C12orf42: variants seen among roughly 807,000 people sequenced by gnomAD.
C12orf42 encodes the protein uncharacterized protein C12orf42.
C12orf42 carries 25 observed loss-of-function variants against 21.6 expected under a neutral mutation model. That is an observed-to-expected ratio of 1.16 (90% confidence interval 0.84 to 1.62). C12orf42 has a LOEUF of 1.62. Ranked by LOEUF, C12orf42 falls within the 40% of genes most tolerant of loss-of-function variation. C12orf42 has a pLI of 0.00. For synonymous variants in C12orf42, 174 were observed against 175.0 expected (o/e 0.99, Z 0.05); for missense variants, 483 against 459.3 (o/e 1.05, Z -0.47).
chr12:103,094,662 C>A, the C12orf42 span, among the ~76,000 whole-genome samples: 1 of 152,120 alleles, frequency 6.6e-6, no homozygotes, highest in East Asian at 1.9e-4. Flanking sequence ...ATGGTGTGAC[C>A]CTTGAAAGTA....
intron 4 of C12orf42, among the ~76,000 whole-genome samples, chr12:103,353,861 G>A (rs912581097): frequency 3.9e-5 from 6 of 152,124 alleles, no homozygotes; most frequent in African/African-American, 9.7e-5. Flanking sequence ...GAGTCCTGTC[G>A]GCATCTGAAA....
intron 2 of C12orf42, among the ~76,000 whole-genome samples, chr12:103,474,462 G>A (rs7306814): frequency 1.4e-4 from 10 of 73,936 alleles, no homozygotes; most frequent in East Asian, 3.5e-4. Context: ...GTATGTGTGT[G>A]TGTGTGTGTG....
At chr12:103,181,123 A>T in the C12orf42 span, among the ~76,000 whole-genome samples, 3 of 151,794 alleles carry the variant, frequency 2.0e-5, no homozygotes, top group African/African-American at 7.3e-5. Flanking sequence ...TTACCTGGGC[A>T]TGGTGGCACA....
the C12orf42 span, among the ~76,000 whole-genome samples, chr12:103,532,243 T>A: frequency 6.6e-6 from 1 of 152,242 alleles, no homozygotes. Flanking sequence ...CACACCCATC[T>A]GCATGATGGA....
chr12:103,058,900 C>G, the C12orf42 span, among the ~76,000 whole-genome samples: 1 of 152,064 alleles, frequency 6.6e-6, no homozygotes, highest in Non-Finnish European at 1.5e-5. Context: ...AATTGACACC[C>G]TAACATCACA....
chr12:103,355,808 T>C (rs1432950879), intron 4 of C12orf42, among the ~76,000 whole-genome samples: 1 of 152,116 alleles, frequency 6.6e-6, no homozygotes, highest in Non-Finnish European at 1.5e-5. Flanking sequence ...ATTTCTTAAT[T>C]GTCCTCCCTT....
the C12orf42 span, among the ~76,000 whole-genome samples, chr12:103,196,301 T>C: frequency 6.6e-6 from 1 of 152,176 alleles, no homozygotes; most frequent in African/African-American, 2.4e-5. Flanking sequence ...GTATGTTTAA[T>C]ATGATTTCGT....
At chr12:103,499,056 A>G (rs1040887349), upstream of C12orf42, among the ~76,000 whole-genome samples, 1 of 152,080 alleles carries the variant, frequency 6.6e-6, no homozygotes, top group Admixed American at 6.6e-5. Flanking sequence ...CTTAACTCAC[A>G]CAAGCAGAGA....
the C12orf42 span, among the ~76,000 whole-genome samples, chr12:103,203,549 A>T: frequency 1.3e-5 from 2 of 152,172 alleles, no homozygotes; most frequent in Admixed American, 1.3e-4. Context: ...TGGGTTGTTG[A>T]CATCTTTACT....
chr12:103,245,560 T>C (rs2033969566), intron 10 of C12orf42, among the ~76,000 whole-genome samples: 1 of 152,110 alleles, frequency 6.6e-6, no homozygotes, highest in African/African-American at 2.4e-5. Context: ...CCTTGTTAGA[T>C]GCCAGGAGCA....
At chr12:103,226,101 C>T in the C12orf42 span, among the ~76,000 whole-genome samples, 3 of 152,292 alleles carry the variant, frequency 2.0e-5, no homozygotes, top group Admixed American at 1.3e-4. Flanking sequence ...TCCCAGGCTG[C>T]GGGCATTCCT....
the C12orf42 span, among the ~76,000 whole-genome samples, chr12:103,527,090 G>T: frequency 6.6e-6 from 1 of 152,044 alleles, no homozygotes; most frequent in African/African-American, 2.4e-5. Context: ...TCTTGTCAGG[G>T]ATTGGTTAAA....
intron 4 of C12orf42, among the ~76,000 whole-genome samples, chr12:103,335,799 A>G (rs1415902967): frequency 6.6e-6 from 1 of 152,266 alleles, no homozygotes; most frequent in Non-Finnish European, 1.5e-5. Flanking sequence ...TTTCGCCAGA[A>G]TAAATGAGCA....
the C12orf42 span, among the ~76,000 whole-genome samples, chr12:103,181,379 G>GCAT: frequency 2.0e-5 from 3 of 152,194 alleles, no homozygotes; most frequent in African/African-American, 7.2e-5. Context: ...AAGAGAAGAA[G>GCAT]CATTGTAAAA....
At chr12:103,101,584 A>T in the C12orf42 span, among the ~76,000 whole-genome samples, 4 of 152,214 alleles carry the variant, frequency 2.6e-5, no homozygotes, top group African/African-American at 4.8e-5. Context: ...TATCTAGAAC[A>T]TCATCCGCTC....
At chr12:103,483,537 C>T (rs1445466815) in intron 1 of C12orf42, among the ~76,000 whole-genome samples, 3 of 152,168 alleles carry the variant, frequency 2.0e-5, no homozygotes, top group African/African-American at 7.2e-5. Flanking sequence ...TGAGAGCTGG[C>T]TTGTAGTTAC....
the C12orf42 span, among the ~76,000 whole-genome samples, chr12:103,508,725 T>C: frequency 3.3e-5 from 5 of 152,308 alleles, no homozygotes; most frequent in Non-Finnish European, 7.4e-5. Context: ...TTGTGCAACA[T>C]AGTATAGGAT....
the C12orf42 span, among the ~76,000 whole-genome samples, chr12:103,537,943 T>C: frequency 6.6e-6 from 1 of 152,246 alleles, no homozygotes; most frequent in African/African-American, 2.4e-5. Flanking sequence ...CTATTATGAA[T>C]TTGTAAAAAG....
the C12orf42 span, among the ~76,000 whole-genome samples, chr12:103,146,322 A>G: frequency 1.3e-5 from 2 of 151,640 alleles, no homozygotes; most frequent in Non-Finnish European, 2.9e-5. Flanking sequence ...TTTATTAAAA[A>G]TACAAAAATG....
Sources: allele counts gnomAD v4.1 joint callset (sites outside exome capture counted in the v4.1 genomes callset), GRCh38; gene constraint gnomAD v4.1.1; transcripts MANE v1.5; gene names NCBI Gene and HGNC (gene_info 2026-07-23, HGNC 2026-07-21).